The following FASN variants were observed in gnomAD, a reference collection of about 807,000 sequenced individuals.
The protein encoded by FASN is 3-hydroxyacyl-[acyl-carrier-protein] dehydratase.
In FASN, 50 loss-of-function variants were observed where a neutral mutation model predicts 250.0. The observed-to-expected ratio is 0.20, with a 90% CI of 0.16 to 0.25. The LOEUF (loss-of-function observed/expected upper bound fraction) is 0.25. Ranked by LOEUF, FASN falls within the 10% of genes least tolerant of loss-of-function variation. FASN has a pLI of 1.00. For synonymous variants in FASN, 1,909 were observed against 1,584.0 expected, an observed-to-expected ratio of 1.21 and a Z score of -4.87; for missense variants, 3,031 against 3,498.5, an observed-to-expected ratio of 0.87 and a Z score of 3.37.
At position 82,080,433 on chromosome 17, in the gene FASN, G is replaced by T; in HGVS notation, c.6984C>A (p.Ala2328=). The T allele has an allele frequency of 1.3e-6, 2 of 1,599,540 alleles. No individual in the cohort carries two copies. The highest frequency in any genetic ancestry group is 2.2e-5 in the South Asian group (2 of 89,248). Residue 2328 remains alanine (A), a synonymous_variant, in exon 40 of 43, where the codon GCC becomes GCA. Transcript: ENST00000306749. ...ACAGGAAGAGGCTGTTGTGGGTGGG[G>T]GCTGGGCTCTGCTGGGCCTGCAGCT... The part of the protein sequence containing the change: ...CSQLQAQQSP[A]PTHNSLFLFD...
In FASN at chr17:82,085,833, TG is replaced by T; in HGVS notation, c.3770del (p.Pro1257GlnfsTer12). 1 of 1,556,154 alleles carries T rather than the reference TG, an allele frequency of 6.4e-7. No homozygotes were observed. The highest frequency in any genetic ancestry group is 8.7e-7 in the Non-Finnish European group (1 of 1,155,714). On this transcript the variant is annotated frameshift_variant, in exon 23 of 43. Coordinates refer to ENST00000306749, the MANE Select transcript of FASN (RefSeq NM_004104.5). LOFTEE classifies it high-confidence loss of function. Reference protein sequence around the residue: ...AGHGHLYSRIPGLLSPHPLLQ... With the variant: ...AGHGHLYSRIXGLLSPHPLLQ... Reference sequence around the variant, plus strand: ...GCAGGGGATGGGGGCTGAGCAGGCCTGGGATGCGGGAATACAGGTGACCGTG... The same window carrying T: ...GCAGGGGATGGGGGCTGAGCAGGCCTGGATGCGGGAATACAGGTGACCGTG...
chr17:82,087,135 C>T lies in FASN; in HGVS notation c.3342G>A (p.Leu1114=), dbSNP rs752963702. Residue 1114 remains leucine, a synonymous_variant, in exon 21 of 43, where the codon CTG becomes CTA. Coordinates refer to ENST00000306749, the MANE Select transcript of FASN (RefSeq NM_004104.5). ...RRQQEQQVPI[L]EKFCFTPHTE... ...TGTGGGGAGTGAAGCAAAACTTCTC[C>T]AGGATGGGCACCTGCTGCTCCTGCT... 27 of 1,611,916 alleles carry T rather than the reference C, an allele frequency of 1.7e-5. No homozygotes were observed. The highest frequency in any genetic ancestry group is 4.5e-5 in the East Asian group (2 of 44,868).
intron 38 of FASN, 108 bp downstream of exon 38, chr17:82,081,056 G>T: frequency 7.0e-7 from 1 of 1,425,246 alleles, no homozygotes; most frequent in Non-Finnish European, 9.6e-7. Context: ...GCTCAGAATG[G>T]CACCCGTGAC....
Position 82,080,714 on chromosome 17 carries a change from G to A in FASN, c.6804C>T (p.Thr2268=), listed in dbSNP as rs757511884. The A allele has an allele frequency of 2.1e-5, 34 of 1,597,592 alleles. No homozygotes were observed. In the East Asian group the frequency reaches 7.0e-4, roughly 33 times the overall value. Reference sequence around the variant, plus strand: ...TACCTCGGGTGCACTGCAGGCCATAGGTGGGGATGCTGAGCCGGGAGGCCA... The same window carrying A: ...TACCTCGGGTGCACTGCAGGCCATAAGTGGGGATGCTGAGCCGGGAGGCCA... The part of the protein sequence containing the change: ...HSLASRLSIP[T]YGLQCTRAAP... The change falls in exon 39 of 43, where the codon ACC becomes ACT. Residue 2268 remains threonine, a synonymous_variant. Coordinates refer to ENST00000306749, the MANE Select transcript of FASN (RefSeq NM_004104.5).
In FASN at chr17:82,089,685, C is replaced by T. The variant is rs1333582004; in HGVS notation, c.1912G>A (p.Val638Met). The change falls in exon 12 of 43, where the codon GTG (valine) becomes ATG (methionine). Residue 638 changes from valine (V) to methionine (M), a missense_variant. Val to Met is a conservative substitution (Grantham distance 21). Transcript: ENST00000306749. Reference sequence around the variant, plus strand: ...TTGGAGTTGTGGCAGGCGGGCACCACGCCCGGGGGGCAGCGCTGTTTACAC... The same window carrying T: ...TTGGAGTTGTGGCAGGCGGGCACCATGCCCGGGGGGCAGCGCTGTTTACAC... ...EECKQRCPPG[V>M]VPACHNSKDT... 1.3e-6 allele frequency: 2 copies of T among 1,590,326 alleles called. No homozygotes were observed. Among genetic ancestry groups the T allele is most frequent in the Non-Finnish European group, 1.7e-6 (2 of 1,170,732 alleles).
At chr17:82,079,709 T>C (rs2033954108) in intron 41 of FASN, 101 bp from the exon 42 acceptor site, 16 of 1,459,140 alleles carry the variant, frequency 1.1e-5, no homozygotes, top group African/African-American at 1.4e-5. Context: ...ACGAGTTTCA[T>C]TTTTGTTACC....
At position 82,084,514 on chromosome 17, in the gene FASN, T is replaced by A; in HGVS notation, c.4767A>T (p.Pro1589=). ...CCCACGGCCCCATGCCACCCATACC[T>A]GGGATGGCATCAGGGGACAGCTTGC... ...ATGKLSPDAI[P]GKWTSQDSLL... Residue 1589 remains proline (P), a splice_region_variant and synonymous_variant, in exon 27 of 43, where the codon CCA becomes CCT. Transcript: ENST00000306749. The A allele has an allele frequency of 6.2e-7, 1 of 1,608,046 alleles. No individual in the cohort carries two copies.
Position 82,087,980 on chromosome 17 carries a change from G to T in FASN, c.2840C>A (p.Ser947Ter). 6.2e-7 allele frequency: 1 copy of T among 1,612,712 alleles called. No individual in the cohort carries two copies. The highest frequency in any genetic ancestry group is 1.1e-5 in the South Asian group (1 of 91,078). ...ACTCACTACCAGGTTGCCGTTCTCT[G>T]ACACCTCGAAGGCACGGGAGGCCTC... is the stretch of plus-strand genomic sequence containing the variant. ...LLEASRAFEVSENGNLVVSGK... is the reference protein window; with the variant it reads ...LLEASRAFEV Residue 947 changes from serine to a stop codon, truncating the protein, a stop_gained, in exon 18 of 43, where the codon TCA (serine) becomes TAA (stop). Transcript: ENST00000306749. LOFTEE classifies it high-confidence loss of function.
In FASN at chr17:82,081,674, C is replaced by A. The variant is rs1167808125; in HGVS notation, c.6333G>T (p.Leu2111=). The A allele has an allele frequency of 1.9e-6, 3 of 1,612,814 alleles. No homozygotes were observed. Among genetic ancestry groups the A allele is most frequent in the Non-Finnish European group, 2.5e-6 (3 of 1,180,008 alleles). ...QPHMVLSSFV[L]AEKAAAYRDR... ...CCCTATAGGCCGCAGCCTTCTCAGC[C>A]AGCACAAAGCTGCTCAGGACCATGT... Residue 2111 remains leucine (L), a synonymous_variant, in exon 37 of 43, where the codon CTG becomes CTT. Coordinates refer to ENST00000306749, the MANE Select transcript of FASN (RefSeq NM_004104.5).
intron 15 of FASN, 87 bp downstream of exon 15, chr17:82,088,674 G>T (rs921024756): frequency 2.0e-6 from 3 of 1,504,750 alleles, no homozygotes; most frequent in African/African-American, 2.7e-5. Flanking sequence ...CACCGGCCTG[G>T]GTCAGTGAGG....
rs1001378134 is a variant in FASN, at chr17:82,098,109, G to C, written c.-8+12C>G. 1.2e-5 allele frequency: 4 copies of C among 337,254 alleles called. No individual in the cohort carries two copies. The highest frequency in any genetic ancestry group is 2.1e-5 in the Non-Finnish European group (4 of 186,082). The allele number at this position is 337,254 out of a possible 1,614,324, so 20.9% of individuals were successfully genotyped here. ...CGACCCGCGCCCCGGCCCCAGCGCCGGCTGCTCGTACCTGGTGAGGGCGCG... is the reference window on the plus strand; with the variant it reads ...CGACCCGCGCCCCGGCCCCAGCGCCCGCTGCTCGTACCTGGTGAGGGCGCG... On this transcript the variant is annotated intron_variant, in intron 1 of 42. Transcript: ENST00000306749.
rs1242410561 is a variant in FASN at position 82,085,555 on chromosome 17, C to T, written c.4049G>A (p.Gly1350Glu). ...GFLLLHTLLR[G>E]HPLGDIVAFL... ...GGCCACGATGTCCCCGAGGGGGTGCCCCCGGAGCAGTGTGTGCAGGAGCAG... is the reference window on the plus strand; with the variant it reads ...GGCCACGATGTCCCCGAGGGGGTGCTCCCGGAGCAGTGTGTGCAGGAGCAG... Residue 1350 changes from glycine to glutamate, a missense_variant, in exon 23 of 43, where the codon GGG becomes GAG. Transcript: ENST00000306749. The T allele has an allele frequency of 1.9e-6, 3 of 1,595,394 alleles. No homozygotes were observed. The highest frequency in any genetic ancestry group is 2.3e-5 in the South Asian group (2 of 88,346).
intron 21 of FASN, 77 bp from the exon 22 acceptor site, chr17:82,086,635 C>G (rs1568110801): frequency 3.5e-6 from 4 of 1,129,504 alleles, no homozygotes; most frequent in Non-Finnish European, 5.2e-6. Context: ...CAGACCCACT[C>G]TGTCCTTCTG....
At chr17:82,094,030 G>C (rs1172723357) in intron 3 of FASN, 1 of 563,950 alleles carries the variant, frequency 1.8e-6, no homozygotes, top group East Asian at 3.1e-5. Flanking sequence ...CGAGGCGGAG[G>C]GGGCAGGCGG....
Position 82,083,231 on chromosome 17 carries a change from C to T in FASN, c.5536G>A (p.Gly1846Arg). Residue 1846 changes from glycine to arginine, a missense_variant, in exon 32 of 43, where the codon GGG becomes AGG. By Grantham distance (125) the Gly-to-Arg change is moderately radical (BLOSUM62 -2). Coordinates refer to ENST00000306749, the MANE Select transcript of FASN (RefSeq NM_004104.5). ...ACGACGACTTTGCCAATGTGCTTCC[C>T]TTGGGCCATGTAGCGGAAGGCGTCC... ...VEDAFRYMAQ[G>R]KHIGKVVVQV... 1.2e-6 allele frequency: 2 copies of T among 1,612,776 alleles called. No homozygotes were observed. Among genetic ancestry groups the T allele is most frequent in the Non-Finnish European group, 1.7e-6 (2 of 1,179,988 alleles).
Position 82,084,590 on chromosome 17 carries a change from C to T in FASN, c.4691G>A (p.Cys1564Tyr). Residue 1564 changes from cysteine to tyrosine, a missense_variant, in exon 27 of 43, where the codon TGC becomes TAC. Transcript: ENST00000306749. ...AQPTCPGAQL[C>Y]TVYYASLNFR... Reference sequence around the variant, plus strand: ...GTTGAGGGAGGCGTAGTAGACCGTGCAGAGCTGGGCGCCAGGGCAGGTGGG... The same window carrying T: ...GTTGAGGGAGGCGTAGTAGACCGTGTAGAGCTGGGCGCCAGGGCAGGTGGG... The T allele has an allele frequency of 6.2e-7, 1 of 1,610,472 alleles. No individual in the cohort carries two copies. Among genetic ancestry groups the T allele is most frequent in the Non-Finnish European group, 8.5e-7 (1 of 1,179,062 alleles).
chr17:82,080,602 G>A lies in FASN; in HGVS notation c.6827-12C>T, dbSNP rs778958823. On this transcript the variant is annotated splice_polypyrimidine_tract_variant and intron_variant, in intron 39 of 42. Coordinates refer to ENST00000306749, the MANE Select transcript of FASN (RefSeq NM_004104.5). ...GTCAAGGGGCGCAGCTGCAATGGCA[G>A]TGCCGGGCACTCAGCATGTGCAGGC... 1.2e-5 allele frequency: 18 copies of A among 1,552,870 alleles called. No homozygotes were observed. The highest frequency in any genetic ancestry group is 3.4e-4 in the Middle Eastern group (2 of 5,936).
chr17:82,095,478 G>A lies in FASN; in HGVS notation c.128-6C>T. The A allele has an allele frequency of 6.2e-7, 1 of 1,611,554 alleles. No homozygotes were observed. The highest frequency in any genetic ancestry group is 8.5e-7 in the Non-Finnish European group (1 of 1,179,966). ...CCGGGGCAGGCCGTAGAGCCCTGTG[G>A]GACAGGCGGGTGTTTAAATCTCTGA... On this transcript the variant is annotated splice_polypyrimidine_tract_variant and splice_region_variant and intron_variant, in intron 2 of 42. Coordinates refer to ENST00000306749, the MANE Select transcript of FASN (RefSeq NM_004104.5).
At position 82,081,718 on chromosome 17, in the gene FASN, G is replaced by A. The variant is rs772324825; in HGVS notation, c.6289C>T (p.Leu2097Phe). Residue 2097 changes from leucine to phenylalanine, a missense_variant, in exon 37 of 43, where the codon CTC (leucine) becomes TTC (phenylalanine). Physicochemically the swap from Leu to Phe is conservative, Grantham distance 22. Transcript: ENST00000306749. ...RMASCLEVLDLFLNQPHMVLS... is the reference protein window; with the variant it reads ...RMASCLEVLDFFLNQPHMVLS... The stretch of plus-strand genomic sequence containing the variant: ...ACCATGTGGGGCTGGTTCAGGAAGA[G>A]GTCCAGCACCTCCAGGCAGGACGCC... 7 of 1,612,632 alleles carry A rather than the reference G, an allele frequency of 4.3e-6. No individual in the cohort carries two copies. The highest frequency in any genetic ancestry group is 1.7e-5 in the Admixed American group (1 of 59,998).
Sources: allele counts gnomAD v4.1 joint callset, GRCh38; gene constraint gnomAD v4.1.1; transcripts MANE v1.5; gene names NCBI Gene and HGNC (gene_info 2026-07-23, HGNC 2026-07-21).